IL17RD: variants seen among roughly 807,000 people sequenced by gnomAD.
IL17RD encodes interleukin-17 receptor D.
A neutral mutation model predicts 80.5 loss-of-function variants in IL17RD; 52 were observed. That is an observed-to-expected ratio of 0.65 (90% confidence interval 0.52 to 0.81). The LOEUF is 0.81. Among genes scored for constraint, IL17RD ranks in the 40% least tolerant of loss-of-function variants. IL17RD has a pLI of 0.00. For missense variants in IL17RD, 1,024 were observed against 955.1 expected (o/e 1.07, Z -0.95); for synonymous variants, 416 against 391.8 (o/e 1.06, Z -0.73).
rs765138146 is a variant in IL17RD, at chr3:57,091,769, A to G, written c.*4624T>C. 2.0e-5 allele frequency: 3 copies of G among 152,274 alleles called. No individual in the cohort carries two copies. Among genetic ancestry groups the G allele is most frequent in the Non-Finnish European group, 4.4e-5 (3 of 68,040 alleles). 9.4% of individuals were successfully genotyped at this position (152,274 alleles called of 1,614,324 possible). ...AAGACATACAAAGAACTATCTGATC[A>G]GCAGGGTAGGTTACAGAATCTCCTT... On this transcript the variant is annotated 3_prime_UTR_variant, in exon 13 of 13. Coordinates refer to ENST00000296318, the MANE Select transcript of IL17RD (RefSeq NM_017563.5).
At chr3:57,157,841 T>G (rs552428168) in intron 1 of IL17RD, among the ~76,000 whole-genome samples, 1 of 152,188 alleles carries the variant, frequency 6.6e-6, no homozygotes, top group African/African-American at 2.4e-5. Flanking sequence ...CCATTAACCC[T>G]CCCACTCTCG....
At chr3:57,131,273 A>G (rs1045182423) in intron 1 of IL17RD, among the ~76,000 whole-genome samples, 4 of 152,286 alleles carry the variant, frequency 2.6e-5, no homozygotes, top group Admixed American at 2.0e-4. Context: ...CTTTCTACAG[A>G]AAGAGCCTCC....
At position 57,113,536 on chromosome 3, in the gene IL17RD, C is replaced by T. The variant is rs189248741; in HGVS notation, c.310+1156G>A. ...ACAGGCATGAGCCACCACGCCCAGCCTGTTTTGTTTTATAAAGAGACAGGG... is the reference window on the plus strand; with the variant it reads ...ACAGGCATGAGCCACCACGCCCAGCTTGTTTTGTTTTATAAAGAGACAGGG... On this transcript the variant is annotated intron_variant, in intron 3 of 12. Transcript: ENST00000296318. 1.7e-3 allele frequency among the ~76,000 whole-genome samples: 261 copies of T among 152,142 alleles called. 2 individuals carry two copies. The highest frequency in any genetic ancestry group is 6.2e-3 in the African/African-American group (256 of 41,520).
chr3:57,137,938 A>C (rs1707759429), intron 1 of IL17RD, among the ~76,000 whole-genome samples: 1 of 152,222 alleles, frequency 6.6e-6, no homozygotes, highest in South Asian at 2.1e-4. Flanking sequence ...CCAAATCTTC[A>C]TCAACTTCCC....
chr3:57,098,576 C>A, intron 11 of IL17RD, 38 bp from the exon 12 acceptor site: 1 of 1,415,450 alleles, frequency 7.1e-7, no homozygotes, highest in Non-Finnish European at 9.7e-7. Flanking sequence ...ATACAGAAGG[C>A]TCGGGAAGAG....
At chr3:57,146,017 GCA>G (rs1006386513) in intron 1 of IL17RD, among the ~76,000 whole-genome samples, 7 of 144,772 alleles carry the variant, frequency 4.8e-5, no homozygotes, top group South Asian at 2.2e-4. Flanking sequence ...AAGCGTGCGC[GCA>G]CACACACACT....
At chr3:57,121,727 C>A (rs1235038390) in intron 1 of IL17RD, among the ~76,000 whole-genome samples, 2 of 152,170 alleles carry the variant, frequency 1.3e-5, no homozygotes, top group Admixed American at 6.5e-5. Context: ...AGGGACAAGA[C>A]CACAGTTTGT....
intron 1 of IL17RD, among the ~76,000 whole-genome samples, chr3:57,127,239 TAA>T (rs1553625548): frequency 5.1e-5 from 5 of 98,740 alleles, no homozygotes; most frequent in African/African-American, 2.5e-4. Context: ...TAAAAATATA[TAA>T]ATATATATAT....
chr3:57,141,749 A>G (rs987216820), intron 1 of IL17RD, among the ~76,000 whole-genome samples: 3 of 152,226 alleles, frequency 2.0e-5, no homozygotes, highest in Non-Finnish European at 4.4e-5. Flanking sequence ...CAACATCCTA[A>G]TAAGACTGGT....
chr3:57,144,969 A>AAG (rs1378749579), intron 1 of IL17RD, among the ~76,000 whole-genome samples: 10 of 152,244 alleles, frequency 6.6e-5, no homozygotes, highest in Non-Finnish European at 1.2e-4. Context: ...TCCTGACAAG[A>AAG]AGACAGCTTG....
At chr3:57,163,489 G>A (rs1030495425) in intron 1 of IL17RD, among the ~76,000 whole-genome samples, 5 of 151,954 alleles carry the variant, frequency 3.3e-5, no homozygotes, top group African/African-American at 9.7e-5. Flanking sequence ...GGCATAAGAA[G>A]CCACCTTGGC....
chr3:57,109,281 G>C (rs1707037375), intron 5 of IL17RD, among the ~76,000 whole-genome samples: 1 of 152,004 alleles, frequency 6.6e-6, no homozygotes, highest in African/African-American at 2.4e-5. Context: ...CCCGAGTAGT[G>C]GGATTACAGG....
At chr3:57,156,467 A>C (rs1430131668) in intron 1 of IL17RD, among the ~76,000 whole-genome samples, 1 of 152,114 alleles carries the variant, frequency 6.6e-6, no homozygotes, top group Non-Finnish European at 1.5e-5. Context: ...CGGGAGGCTG[A>C]GGTAGGAGAA....
Position 57,091,482 on chromosome 3 carries a change from A to G in IL17RD, c.*4911T>C, listed in dbSNP as rs1429432523. ...TCCCCATCCTGAGCCTCGTCTTCAC[A>G]AGGCACCAATGTGAGTAAGGCACCA... On this transcript the variant is annotated 3_prime_UTR_variant, in exon 13 of 13. Coordinates refer to ENST00000296318, the MANE Select transcript of IL17RD (RefSeq NM_017563.5). 1.3e-5 allele frequency: 2 copies of G among 152,630 alleles called. No individual in the cohort carries two copies. The highest frequency in any genetic ancestry group is 2.9e-5 in the Non-Finnish European group (2 of 68,042). The allele number at this position is 152,630 out of a possible 1,614,324, so 9.5% of individuals were successfully genotyped here.
intron 1 of IL17RD, among the ~76,000 whole-genome samples, chr3:57,143,416 G>T (rs1396838214): frequency 6.6e-6 from 1 of 151,936 alleles, no homozygotes; most frequent in Non-Finnish European, 1.5e-5. Context: ...GTAAAAACAG[G>T]GACTCCCTCA....
intron 4 of IL17RD, 130 bp from the exon 5 acceptor site, chr3:57,109,787 G>T: frequency 1.1e-6 from 1 of 938,154 alleles, no homozygotes; most frequent in Non-Finnish European, 1.6e-6. Context: ...TTCCAGGGAA[G>T]CAGGAAGTCA....
chr3:57,113,968 G>A (rs1246644778), intron 3 of IL17RD, among the ~76,000 whole-genome samples: 4 of 151,816 alleles, frequency 2.6e-5, no homozygotes, highest in African/African-American at 4.8e-5. Flanking sequence ...GGCGGATCAC[G>A]AGGTCAGGAG....
At chr3:57,152,962 T>C (rs2060239153) in intron 1 of IL17RD, among the ~76,000 whole-genome samples, 1 of 152,152 alleles carries the variant, frequency 6.6e-6, no homozygotes, top group Non-Finnish European at 1.5e-5. Context: ...AGGTCTTTAA[T>C]AGGAACTCAT....
At chr3:57,111,746 G>C (rs925689161) in intron 3 of IL17RD, among the ~76,000 whole-genome samples, 7 of 151,716 alleles carry the variant, frequency 4.6e-5, no homozygotes, top group Non-Finnish European at 1.0e-4. Context: ...CGAGGCGGGC[G>C]AATCACAAGG....
Sources: gnomAD v4.1 joint callset for allele counts (sites outside exome capture counted in the v4.1 genomes callset) on GRCh38, gnomAD v4.1.1 for gene constraint, MANE v1.5 for transcripts, NCBI Gene and HGNC (gene_info 2026-07-23, HGNC 2026-07-21) for gene names.